The following SACS variants were observed in gnomAD, a reference collection of about 807,000 sequenced individuals.
SACS encodes sacsin.
A neutral mutation model predicts 348.0 loss-of-function variants in SACS; 197 were observed. That is an observed-to-expected ratio of 0.57 (90% CI 0.50 to 0.64). The LOEUF is 0.64. SACS is among the 30% of genes least tolerant of loss of function. The pLI, the probability that SACS is intolerant of heterozygous loss-of-function variation, is 0.00. For synonymous variants in SACS, 1,985 were observed against 1,910.6 expected (o/e 1.04, Z -1.02); for missense variants, 4,999 against 5,360.8 (o/e 0.93, Z 2.11).
At chr13:23,349,471 GTATTA>G (rs890319529) in intron 9 of SACS, among the ~76,000 whole-genome samples, 25 of 152,292 alleles carry the variant, frequency 1.6e-4, no homozygotes, top group African/African-American at 5.8e-4. Flanking sequence ...CCATTTGTCA[GTATTA>G]TATTAAGTGC....
Position 23,335,923 on chromosome 13 carries a change from A to G in SACS, c.7953T>C (p.His2651=). The change falls in exon 10 of 10, where the codon CAT becomes CAC. Residue 2651 remains histidine, a synonymous_variant. Coordinates refer to ENST00000382292, the MANE Select transcript of SACS (RefSeq NM_014363.6). The surrounding 1 kb of genome is among the most constrained non-coding windows in gnomAD (Gnocchi z 4.7). ...GNDILCIFDP[H]ARYAPGATSI... ...ATGTGGCCCCTGGTGCATATCTGGCATGAGGATCAAAAATACACAGGATGT... is the reference window on the plus strand; with the variant it reads ...ATGTGGCCCCTGGTGCATATCTGGCGTGAGGATCAAAAATACACAGGATGT... The G allele has an allele frequency of 6.2e-7, 1 of 1,613,030 alleles. No individual in the cohort carries two copies. Among genetic ancestry groups the G allele is most frequent in the Non-Finnish European group, 8.5e-7 (1 of 1,179,098 alleles).
chr13:23,357,051 C>G (rs189855542), intron 7 of SACS, among the ~76,000 whole-genome samples: 36 of 152,306 alleles, frequency 2.4e-4, no homozygotes, highest in Middle Eastern at 3.4e-3. Flanking sequence ...GACCTATGAC[C>G]TATGACCTTC....
At chr13:23,431,600 C>A (rs1874435919) in intron 1 of SACS, among the ~76,000 whole-genome samples, 1 of 152,216 alleles carries the variant, frequency 6.6e-6, no homozygotes, top group South Asian at 2.1e-4. Context: ...ATTTAGTAGT[C>A]CTCATGTAGG....
At position 23,341,254 on chromosome 13, in the gene SACS, A is replaced by T; in HGVS notation, c.2622T>A (p.Ser874Arg). ...IKKYIHSPLP[S>R]AVLQIMEKMP... is the part of the protein sequence containing the mutation. Reference sequence around the variant, plus strand: ...TCTTCTCCATTATCTGCAAAACAGCACTTGGTAATGGTGAATGAATATATT... The same window carrying T: ...TCTTCTCCATTATCTGCAAAACAGCTCTTGGTAATGGTGAATGAATATATT... The change falls in exon 10 of 10, where the codon AGT (serine) becomes AGA (arginine). Residue 874 changes from serine (S) to arginine (R), a missense_variant. Ser to Arg is a moderately radical substitution (Grantham distance 110, BLOSUM62 -1). Transcript: ENST00000382292. 6.2e-7 allele frequency: 1 copy of T among 1,613,924 alleles called. No individual in the cohort carries two copies. The highest frequency in any genetic ancestry group is 1.3e-5 in the African/African-American group (1 of 75,062).
In SACS at chr13:23,398,395, G is replaced by A. The variant is rs188698523; in HGVS notation, c.20+12825C>T. On this transcript the variant is annotated intron_variant, in intron 2 of 9. Transcript: ENST00000382292. The stretch of plus-strand genomic sequence containing the variant: ...TAAAAATATAAAAAATTAGCGAGGC[G>A]TGGTGGTGCATGCCTGTAGTTCCAG... Among the ~76,000 whole-genome samples, 310 of 151,454 alleles carry A rather than the reference G, an allele frequency of 2.0e-3. 1 individual carries two copies. The highest frequency in any genetic ancestry group is 7.1e-3 in the African/African-American group (292 of 41,274).
At chr13:23,416,922 A>G (rs1301997123) in intron 1 of SACS, among the ~76,000 whole-genome samples, 1 of 152,106 alleles carries the variant, frequency 6.6e-6, no homozygotes, top group Non-Finnish European at 1.5e-5. Flanking sequence ...GGAGGAGGGG[A>G]AGGAAGAGGG....
At chr13:23,393,970 C>T (rs1333192832) in intron 2 of SACS, among the ~76,000 whole-genome samples, 1 of 152,172 alleles carries the variant, frequency 6.6e-6, no homozygotes, top group African/African-American at 2.4e-5. Context: ...CCGTGTTATC[C>T]AGGATAGTCT....
In SACS at chr13:23,331,099, A is replaced by G. The variant is rs771339735; in HGVS notation, c.12777T>C (p.Pro4259=). Residue 4259 remains proline, a synonymous_variant, in exon 10 of 10, where the codon CCT becomes CCC. Coordinates refer to ENST00000382292, the MANE Select transcript of SACS (RefSeq NM_014363.6). ...EESSQSRDSA[P]STPTSPTEFL... ...ACTCAGTGGGGCTGGTTGGTGTAGA[A>G]GGAGCACTGTCCCTGCTTTGAGAGC... 2 of 1,614,098 alleles carry G rather than the reference A, an allele frequency of 1.2e-6. No individual in the cohort carries two copies. Among genetic ancestry groups the G allele is most frequent in the Non-Finnish European group, 1.7e-6 (2 of 1,179,998 alleles).
In SACS at chr13:23,331,182, T is replaced by C; in HGVS notation, c.12694A>G (p.Ser4232Gly). ...GKIYQIDIGY[S>G]EYKIVSSLDL... ...AGAGAGCTAACTATTTTATATTCAC[T>C]ATAACCAATATCTATCTGATATATC... Residue 4232 changes from serine to glycine, a missense_variant, in exon 10 of 10, where the codon AGT becomes GGT. By Grantham distance (56) the Ser-to-Gly change is moderately conservative (BLOSUM62 0). This residue lies in a region of SACS where 831 missense variants were observed against 941.8 expected (regional missense o/e 0.88). Coordinates refer to ENST00000382292, the MANE Select transcript of SACS (RefSeq NM_014363.6). 6.2e-7 allele frequency: 1 copy of C among 1,613,714 alleles called. No homozygotes were observed. Among genetic ancestry groups the C allele is most frequent in the South Asian group, 1.1e-5 (1 of 91,058 alleles).
intron 6 of SACS, among the ~76,000 whole-genome samples, chr13:23,361,209 C>T (rs1870715499): frequency 6.6e-6 from 1 of 152,098 alleles, no homozygotes; most frequent in African/African-American, 2.4e-5. Context: ...AGTGGCAGAA[C>T]CAGGCAGAGC....
At chr13:23,365,313 A>G (rs1870998525) in intron 5 of SACS, 36 bp from the exon 6 acceptor site, 1 of 1,170,434 alleles carries the variant, frequency 8.5e-7, no homozygotes, top group Non-Finnish European at 1.2e-6. Flanking sequence ...AGTAATTAAT[A>G]ACACAGTAAT....
chr13:23,336,426 A>G lies in SACS; in HGVS notation c.7450T>C (p.Cys2484Arg). ...IKVKDTTVKY[C>R]HADIPREVAV... is the part of the protein sequence containing the mutation. ...ACTTCCCTGGGTATGTCAGCATGAC[A>G]ATATTTTACAGTGGTATCCTTTACT... is the stretch of plus-strand genomic sequence containing the variant. Residue 2484 changes from cysteine to arginine, a missense_variant, in exon 10 of 10, where the codon TGT becomes CGT. By Grantham distance (180) the Cys-to-Arg change is radical (BLOSUM62 -3). Around this residue, in one of 6 missense-constraint regions of SACS, gnomAD observed 3,156 missense variants for 3,380.1 expected, o/e 0.93. Coordinates refer to ENST00000382292, the MANE Select transcript of SACS (RefSeq NM_014363.6). 1 of 1,614,100 alleles carries G rather than the reference A, an allele frequency of 6.2e-7. No individual in the cohort carries two copies. Among genetic ancestry groups the G allele is most frequent in the East Asian group, 2.2e-5 (1 of 44,882 alleles).
intron 2 of SACS, among the ~76,000 whole-genome samples, chr13:23,396,492 A>G (rs9634390): frequency 0.29 from 44,597 of 151,894 alleles, 6,814 homozygotes; most frequent in East Asian, 0.44. Context: ...CATTAAATAT[A>G]AGCATTATTC....
chr13:23,360,443 G>A (rs976264445), intron 6 of SACS, among the ~76,000 whole-genome samples: 4 of 148,622 alleles, frequency 2.7e-5, no homozygotes, highest in African/African-American at 4.9e-5. Context: ...CCAGGCTCGA[G>A]AATGAACCTC....
At chr13:23,420,626 T>A (rs1168208516) in intron 1 of SACS, among the ~76,000 whole-genome samples, 1 of 152,030 alleles carries the variant, frequency 6.6e-6, no homozygotes, top group Non-Finnish European at 1.5e-5. Context: ...GCCCTGAAGT[T>A]CTCCTAGTGC....
Position 23,340,784 on chromosome 13 carries a change from A to G in SACS, c.3092T>C (p.Leu1031Pro), listed in dbSNP as rs1869133245. ...SSLKNENPNVLEWLTPLKFIQ... is the reference protein window; with the variant it reads ...SSLKNENPNVPEWLTPLKFIQ... ...GAATTTTAATGGTGTTAACCACTCA[A>G]GCACATTTGGATTCTCATTTTTAAG... Residue 1031 changes from leucine (L) to proline (P), a missense_variant, in exon 10 of 10, where the codon CTT becomes CCT. Around this residue, in one of 6 missense-constraint regions of SACS, gnomAD observed 3,156 missense variants for 3,380.1 expected, o/e 0.93. Coordinates refer to ENST00000382292, the MANE Select transcript of SACS (RefSeq NM_014363.6). 1.2e-6 allele frequency: 2 copies of G among 1,606,478 alleles called. No homozygotes were observed. The highest frequency in any genetic ancestry group is 1.7e-4 in the Middle Eastern group (1 of 6,008).
intron 9 of SACS, among the ~76,000 whole-genome samples, chr13:23,344,220 C>T (rs1869457374): frequency 6.6e-6 from 1 of 151,996 alleles, no homozygotes; most frequent in Admixed American, 6.6e-5. Flanking sequence ...ACTCAGAAAA[C>T]AAAAAATTAA....
intron 2 of SACS, among the ~76,000 whole-genome samples, chr13:23,383,975 A>G (rs2137874903): frequency 6.6e-6 from 1 of 152,278 alleles, no homozygotes; most frequent in East Asian, 1.9e-4. Flanking sequence ...GGGTCATCGC[A>G]AGGTCTTTCT....
chr13:23,392,977 A>G (rs944798759), intron 2 of SACS, among the ~76,000 whole-genome samples: 1 of 152,126 alleles, frequency 6.6e-6, no homozygotes, highest in African/African-American at 2.4e-5. Flanking sequence ...CACAATAAGC[A>G]CAGACATCGG....
Sources: gnomAD v4.1 joint callset for allele counts (sites outside exome capture counted in the v4.1 genomes callset) on GRCh38, gnomAD v4.1.1 for gene constraint, gnomAD v4.1.1 regional missense constraint, Gnocchi (gnomAD v3.1) non-coding constraint, MANE v1.5 for transcripts, NCBI Gene and HGNC (gene_info 2026-07-23, HGNC 2026-07-21) for gene names.